Variants in SDK1 observed in about 807,000 individuals in gnomAD.
SDK1 encodes sidekick cell adhesion molecule 1, also known as protein sidekick-1.
Under a neutral mutation model 245.5 loss-of-function variants are expected in SDK1, and 157 were observed. That is an observed-to-expected ratio of 0.64 (90% CI 0.56 to 0.73). The LOEUF (loss-of-function observed/expected upper bound fraction) is 0.73. Ranked by LOEUF, SDK1 falls within the 30% of genes least tolerant of loss-of-function variation. The pLI is 0.00. For missense variants in SDK1, 3,583 were observed against 3,002.3 expected (o/e 1.19, Z -4.52); for synonymous variants, 1,647 against 1,278.5 (o/e 1.29, Z -6.15).
chr7:3,782,399 C>A (rs746291370), intron 4 of SDK1, among the ~76,000 whole-genome samples: 1 of 152,168 alleles, frequency 6.6e-6, no homozygotes, highest in Admixed American at 6.5e-5. Context: ...CCTCCAAGAA[C>A]GTGGATCACA....
chr7:4,174,432 C>A, intron 33 of SDK1, 75 bp downstream of exon 33: 1 of 1,466,864 alleles, frequency 6.8e-7, no homozygotes, highest in Admixed American at 1.8e-5. Context: ...CAGTGCACAT[C>A]ATGGTGGGAA....
At chr7:4,136,793 TACG>T (rs1476981572) in intron 28 of SDK1, among the ~76,000 whole-genome samples, 2 of 152,232 alleles carry the variant, frequency 1.3e-5, no homozygotes, top group Non-Finnish European at 2.9e-5. Flanking sequence ...TTAAGCTTAT[TACG>T]AAGGGTGTGC....
At chr7:3,385,242 A>G (rs1250123641) in intron 1 of SDK1, among the ~76,000 whole-genome samples, 1 of 152,154 alleles carries the variant, frequency 6.6e-6, no homozygotes, top group Non-Finnish European at 1.5e-5. Flanking sequence ...GACTGTTGAA[A>G]TATCTATAGA....
intron 4 of SDK1, among the ~76,000 whole-genome samples, chr7:3,782,903 A>G (rs1371592982): frequency 6.6e-6 from 1 of 152,228 alleles, no homozygotes; most frequent in Non-Finnish European, 1.5e-5. Context: ...TACCAAAGCC[A>G]AACAAGAACA....
chr7:3,339,659 A>G (rs1780294040), intron 1 of SDK1, among the ~76,000 whole-genome samples: 1 of 152,158 alleles, frequency 6.6e-6, no homozygotes, highest in Admixed American at 6.5e-5. Context: ...TTCATACGTC[A>G]GTCTCAAAGG....
chr7:3,593,450 A>G (rs1288789690), intron 1 of SDK1, among the ~76,000 whole-genome samples: 1 of 152,142 alleles, frequency 6.6e-6, no homozygotes, highest in Non-Finnish European at 1.5e-5. Flanking sequence ...GGTGGTTTGG[A>G]AGTGCTCAGC....
chr7:3,400,331 T>C (rs1778855901), intron 1 of SDK1, among the ~76,000 whole-genome samples: 1 of 152,098 alleles, frequency 6.6e-6, no homozygotes, highest in Admixed American at 6.6e-5. Flanking sequence ...TCAAAAAAGT[T>C]GATTTTGAAA....
At chr7:3,478,912 T>C (rs1781427006) in intron 1 of SDK1, among the ~76,000 whole-genome samples, 1 of 152,210 alleles carries the variant, frequency 6.6e-6, no homozygotes, top group Admixed American at 6.5e-5. Context: ...TACTTTAGCT[T>C]TATGATTTCT....
chr7:3,730,365 G>A lies in SDK1; in HGVS notation c.713+88260G>A, dbSNP rs10253717. The stretch of plus-strand genomic sequence containing the variant: ...CTTTCTTCAGCCCTGGTGAGAGTAG[G>A]AGCTCTGGAGTGAAGCCAGTGAATA... On this transcript the variant is annotated intron_variant, in intron 4 of 44. Transcript: ENST00000404826. 7.4e-3 allele frequency among the ~76,000 whole-genome samples: 1,132 copies of A among 152,332 alleles called. 13 individuals are homozygous for A. Among genetic ancestry groups the A allele is most frequent in the African/African-American group, 0.026 (1,088 of 41,572 alleles).
rs545363632 is a variant in SDK1, at chr7:3,534,536, C to T, written c.299-84544C>T. On this transcript the variant is annotated intron_variant, in intron 1 of 44. Transcript: ENST00000404826. The stretch of plus-strand genomic sequence containing the variant: ...AGCATTCAAATTTCTCCACATCCTC[C>T]CCAGCACTTGTCTTTTTTTTTGGTG... Among the ~76,000 whole-genome samples, 4 of 152,280 alleles carry T rather than the reference C, an allele frequency of 2.6e-5. No homozygotes were observed. In the South Asian group the frequency reaches 8.3e-4, roughly 32 times the overall value.
chr7:3,871,030 C>T (rs1374880153), intron 5 of SDK1, among the ~76,000 whole-genome samples: 5 of 152,262 alleles, frequency 3.3e-5, no homozygotes, highest in Admixed American at 6.5e-5. Context: ...TACCAGTCCA[C>T]GAACATGCTG....
At chr7:4,056,171 G>C (rs1542134) in intron 19 of SDK1, among the ~76,000 whole-genome samples, 1 of 136,754 alleles carries the variant, frequency 7.3e-6, no homozygotes, top group African/African-American at 3.0e-5. Context: ...TTTTTTTTTA[G>C]AATTTTCTAA....
chr7:3,366,071 T>C (rs73048700), intron 1 of SDK1, among the ~76,000 whole-genome samples: 15,907 of 151,996 alleles, frequency 0.1, 1,096 homozygotes, highest in African/African-American at 0.19. Context: ...CATATATTTT[T>C]TCTGTGTAGA....
chr7:4,184,021 G>A (rs1041241923), intron 35 of SDK1, among the ~76,000 whole-genome samples: 1 of 152,186 alleles, frequency 6.6e-6, no homozygotes, highest in East Asian at 1.9e-4. Context: ...AGAGTTTTCT[G>A]GAAGGAGAAA....
At chr7:4,196,359 G>T (rs566079172) in intron 35 of SDK1, among the ~76,000 whole-genome samples, 1 of 152,336 alleles carries the variant, frequency 6.6e-6, no homozygotes, top group East Asian at 1.9e-4. Context: ...CCTAGCTACA[G>T]CCAAAGCCAT....
chr7:3,788,864 G>A (rs1391402366), intron 4 of SDK1, among the ~76,000 whole-genome samples: 1 of 152,166 alleles, frequency 6.6e-6, no homozygotes, highest in Admixed American at 6.5e-5. Flanking sequence ...TCAGGGCTGA[G>A]CCTGTAGGCT....
chr7:3,615,107 T>C (rs961922685), intron 1 of SDK1, among the ~76,000 whole-genome samples: 1 of 151,702 alleles, frequency 6.6e-6, no homozygotes, highest in Non-Finnish European at 1.5e-5. Context: ...AGTTTCTATC[T>C]CGAAGCTTTT....
intron 22 of SDK1, among the ~76,000 whole-genome samples, chr7:4,102,796 C>T (rs561578150): frequency 1.3e-5 from 2 of 152,268 alleles, no homozygotes; most frequent in South Asian, 4.1e-4. Flanking sequence ...CAAGCTGGGG[C>T]TGCGTGGCGG....
intron 4 of SDK1, among the ~76,000 whole-genome samples, chr7:3,814,452 G>C (rs1779459545): frequency 6.6e-6 from 1 of 151,526 alleles, no homozygotes; most frequent in Non-Finnish European, 1.5e-5. Flanking sequence ...TGAGGGCTCT[G>C]TTCTGTTCCG....
Sources: allele counts gnomAD v4.1 joint callset (sites outside exome capture counted in the v4.1 genomes callset), GRCh38; gene constraint gnomAD v4.1.1; transcripts MANE v1.5; gene names NCBI Gene and HGNC (gene_info 2026-07-23, HGNC 2026-07-21).